ATP8B4: variants seen among roughly 807,000 people sequenced by gnomAD.
ATP8B4 encodes probable phospholipid-transporting ATPase IM.
A neutral mutation model predicts 145.6 loss-of-function variants in ATP8B4; 133 were observed. The ratio of observed to expected loss-of-function variants is 0.91; its 90% CI spans 0.79 to 1.05. The LOEUF is 1.05. Ranked by LOEUF, ATP8B4 falls within the 50% of genes least tolerant of loss-of-function variation. The pLI, the probability that ATP8B4 is intolerant of heterozygous loss-of-function variation, is 0.00. For synonymous variants in ATP8B4, 507 were observed against 492.9 expected, an observed-to-expected ratio of 1.03 and a Z score of -0.38; for missense variants, 1,458 against 1,425.2, an observed-to-expected ratio of 1.02 and a Z score of -0.37.
At chr15:49,861,866 C>T (rs1297610026) in intron 27 of ATP8B4, among the ~76,000 whole-genome samples, 1 of 152,198 alleles carries the variant, frequency 6.6e-6, no homozygotes, top group Non-Finnish European at 1.5e-5. Flanking sequence ...TCATACCATG[C>T]TTGTCTCTCT....
intron 2 of ATP8B4, among the ~76,000 whole-genome samples, chr15:50,099,828 C>G (rs2056232811): frequency 6.6e-6 from 1 of 151,936 alleles, no homozygotes; most frequent in African/African-American, 2.4e-5. Flanking sequence ...CACCTGAGGT[C>G]AGGAGTTCAA....
At chr15:50,094,712 CTATATA>C (rs10546915) in intron 2 of ATP8B4, among the ~76,000 whole-genome samples, 2 of 144,994 alleles carry the variant, frequency 1.4e-5, no homozygotes, top group African/African-American at 2.5e-5. Context: ...ATATATACTA[CTATATA>C]TATATATATA....
intron 1 of ATP8B4, among the ~76,000 whole-genome samples, chr15:50,112,508 C>T (rs1012857375): frequency 6.6e-6 from 1 of 152,074 alleles, no homozygotes. Context: ...CCCAGATCTC[C>T]TTCTATGCTC....
chr15:50,078,483 C>A (rs756771785), intron 2 of ATP8B4, among the ~76,000 whole-genome samples: 1 of 150,558 alleles, frequency 6.6e-6, no homozygotes, highest in Non-Finnish European at 1.5e-5. Context: ...ATGGACAAGA[C>A]GAAAGAACAG....
At position 50,044,680 on chromosome 15, in the gene ATP8B4, T is replaced by C; in HGVS notation, c.214A>G (p.Ile72Val). 6.2e-7 allele frequency: 1 copy of C among 1,612,120 alleles called. No homozygotes were observed. Among genetic ancestry groups the C allele is most frequent in the Non-Finnish European group, 8.5e-7 (1 of 1,178,588 alleles). The change falls in exon 5 of 28, where the codon ATT (isoleucine) becomes GTT (valine). Residue 72 changes from isoleucine to valine, a missense_variant. Physicochemically the swap from Ile to Val is conservative, Grantham distance 29. Coordinates refer to ENST00000284509, the MANE Select transcript of ATP8B4 (RefSeq NM_024837.4). ...GTGGTAAACCAGGTCAAGGAGGAAA[T>C]TTCTGGAATTAGCTGAAACAAACAT... ...CLLILQLIPE[I>V]SSLTWFTTIV...
intron 1 of ATP8B4, among the ~76,000 whole-genome samples, chr15:50,172,268 G>A (rs560540739): frequency 1.8e-4 from 28 of 152,218 alleles, no homozygotes; most frequent in African/African-American, 5.8e-4. Flanking sequence ...TCAGCCTGCC[G>A]AGTGCCTGGG....
intron 25 of ATP8B4, among the ~76,000 whole-genome samples, chr15:49,873,708 T>C (rs1246091341): frequency 6.6e-6 from 1 of 152,308 alleles, no homozygotes; most frequent in Non-Finnish European, 1.5e-5. Flanking sequence ...GGTACATACA[T>C]GGCCTAAGTT....
intron 13 of ATP8B4, among the ~76,000 whole-genome samples, chr15:49,967,498 G>A (rs1232789413): frequency 2.6e-5 from 4 of 152,124 alleles, no homozygotes; most frequent in Non-Finnish European, 4.4e-5. Context: ...TAGCTGAATC[G>A]ATCAAGTGGA....
chr15:50,114,115 T>TTTTTTTTTTTTTTTTTTTTTA, intron 1 of ATP8B4, among the ~76,000 whole-genome samples: 1 of 140,616 alleles, frequency 7.1e-6, no homozygotes, highest in Non-Finnish European at 1.5e-5. Flanking sequence ...TTTTTTTTTT[T>TTTTTTTTTTTTTTTTTTTTTA]TTTTTTTTTT....
chr15:50,040,462 C>T (rs1161565110), intron 5 of ATP8B4, among the ~76,000 whole-genome samples: 1 of 152,220 alleles, frequency 6.6e-6, no homozygotes, highest in Non-Finnish European at 1.5e-5. Context: ...CACCCAATTT[C>T]AGGATAACCT....
intron 20 of ATP8B4, among the ~76,000 whole-genome samples, chr15:49,909,366 A>C (rs942002145): frequency 6.6e-6 from 1 of 152,206 alleles, no homozygotes; most frequent in Non-Finnish European, 1.5e-5. Flanking sequence ...AGCCACTGCC[A>C]ACACCAGCAT....
intron 3 of ATP8B4, among the ~76,000 whole-genome samples, chr15:50,057,937 A>C (rs1013612158): frequency 2.0e-5 from 3 of 152,194 alleles, no homozygotes; most frequent in African/African-American, 7.2e-5. Context: ...CATTTTAAGT[A>C]GTTGCAGTAA....
rs1246721034 is a variant in ATP8B4 at position 49,859,431 on chromosome 15, G to C, written c.*763C>G. The C allele has an allele frequency of 1.0e-3, 152 of 152,236 alleles. No individual in the cohort carries two copies. Among genetic ancestry groups the C allele is most frequent in the Middle Eastern group, 3.4e-3 (1 of 294 alleles). 9.4% of individuals were successfully genotyped at this position (152,236 alleles called of 1,614,324 possible). ...AATTACTACTGAGGTTGTTAGAAAA[G>C]CCATTGAAAAGTATTTAGAATACTT... On this transcript the variant is annotated 3_prime_UTR_variant, in exon 28 of 28. Coordinates refer to ENST00000284509, the MANE Select transcript of ATP8B4 (RefSeq NM_024837.4).
chr15:49,952,774 G>T (rs1379547413), intron 14 of ATP8B4, among the ~76,000 whole-genome samples: 2 of 152,144 alleles, frequency 1.3e-5, no homozygotes, highest in Non-Finnish European at 2.9e-5. Context: ...AGGTGAAGAG[G>T]TGCTCTAGCC....
chr15:49,901,735 G>A, intron 20 of ATP8B4: 1 of 393,224 alleles, frequency 2.5e-6, no homozygotes, highest in Non-Finnish European at 4.9e-6. Context: ...AGTCCTCTGA[G>A]AAACATATTT....
intron 12 of ATP8B4, among the ~76,000 whole-genome samples, chr15:49,979,350 A>T (rs1439540918): frequency 1.3e-5 from 2 of 152,174 alleles, no homozygotes; most frequent in Non-Finnish European, 1.5e-5. Context: ...GTTACATGAG[A>T]TTATATTGTA....
In ATP8B4 at chr15:49,989,665, A is replaced by G. The variant is rs77389062; in HGVS notation, c.590-2116T>C. ...CTGGGTTCTTGGAGGCTAAGCCCCAATTCAGCCTTTCTCAAAGAGTGTGGT... is the reference window on the plus strand; with the variant it reads ...CTGGGTTCTTGGAGGCTAAGCCCCAGTTCAGCCTTTCTCAAAGAGTGTGGT... On this transcript the variant is annotated intron_variant, in intron 9 of 27. Coordinates refer to ENST00000284509, the MANE Select transcript of ATP8B4 (RefSeq NM_024837.4). Among the ~76,000 whole-genome samples the G allele has an allele frequency of 6.8e-3, 1,035 of 151,952 alleles. 4 individuals are homozygous for G. Among genetic ancestry groups the G allele is most frequent in the Admixed American group, 0.014 (218 of 15,250 alleles).
chr15:50,071,086 C>T (rs1489846304), intron 3 of ATP8B4, among the ~76,000 whole-genome samples: 1 of 152,178 alleles, frequency 6.6e-6, no homozygotes, highest in East Asian at 1.9e-4. Flanking sequence ...CTTGTTCAAT[C>T]TGCTGTAGCC....
chr15:50,181,144 C>T (rs1173929459), intron 1 of ATP8B4, among the ~76,000 whole-genome samples: 1 of 152,094 alleles, frequency 6.6e-6, no homozygotes, highest in Non-Finnish European at 1.5e-5. Flanking sequence ...CAAAATGTAA[C>T]ATAGGGAAGC....
Sources: allele counts gnomAD v4.1 joint callset (sites outside exome capture counted in the v4.1 genomes callset), GRCh38; gene constraint gnomAD v4.1.1; transcripts MANE v1.5; gene names NCBI Gene and HGNC (gene_info 2026-07-23, HGNC 2026-07-21).